STRBP: variants seen among roughly 807,000 people sequenced by gnomAD.
STRBP encodes the protein spermatid perinuclear RNA binding protein.
In STRBP, 13 loss-of-function variants were observed where a neutral mutation model predicts 80.1. That is an observed-to-expected ratio of 0.16 (90% CI 0.11 to 0.26). STRBP has a LOEUF of 0.26. Among genes scored for constraint, STRBP ranks in the 10% least tolerant of loss-of-function variants. The pLI, the probability that STRBP is intolerant of heterozygous loss-of-function variation, is 1.00. For synonymous variants in STRBP, 284 were observed against 291.2 expected, an observed-to-expected ratio of 0.98 and a Z score of 0.25; for missense variants, 485 against 815.2, an observed-to-expected ratio of 0.59 and a Z score of 4.93.
At chr9:123,258,620 A>C (rs374422091) in intron 1 of STRBP, among the ~76,000 whole-genome samples, 11 of 152,068 alleles carry the variant, frequency 7.2e-5, no homozygotes, top group South Asian at 4.2e-4. Context: ...TGGCTAACAC[A>C]GTGAAACCCT....
At chr9:123,186,794 C>T (rs2038714336) in intron 2 of STRBP, among the ~76,000 whole-genome samples, 1 of 137,410 alleles carries the variant, frequency 7.3e-6, no homozygotes, top group South Asian at 2.4e-4. Flanking sequence ...AATGGAGAAA[C>T]TACAATAGCT....
At chr9:123,132,674 CAGG>C (rs1323491679) in intron 17 of STRBP, among the ~76,000 whole-genome samples, 168 bp downstream of exon 17, 2 of 152,178 alleles carry the variant, frequency 1.3e-5, no homozygotes, top group Non-Finnish European at 2.9e-5. Flanking sequence ...CAGCAGATTC[CAGG>C]AGAACACCTA....
chr9:123,170,154 T>G (rs1167138755), intron 5 of STRBP, 108 bp from the exon 6 acceptor site: 2 of 1,113,824 alleles, frequency 1.8e-6, no homozygotes, highest in Non-Finnish European at 2.5e-6. Context: ...TTAATATTAC[T>G]GTGCTCAAAG....
intron 1 of STRBP, among the ~76,000 whole-genome samples, chr9:123,262,350 AT>A (rs1320073947): frequency 1.3e-5 from 2 of 152,372 alleles, no homozygotes; most frequent in Admixed American, 6.5e-5. Context: ...ACAGCACTAT[AT>A]TGGTTAAATT....
At chr9:123,130,998 A>G (rs1276829132) in intron 17 of STRBP, among the ~76,000 whole-genome samples, 1 of 152,126 alleles carries the variant, frequency 6.6e-6, no homozygotes, top group Non-Finnish European at 1.5e-5. Context: ...AGATGTACAT[A>G]GTTCCGGGGT....
chr9:123,132,803 G>C, intron 17 of STRBP, 42 bp downstream of exon 17: 1 of 1,604,512 alleles, frequency 6.2e-7, no homozygotes, highest in Non-Finnish European at 8.5e-7. Context: ...TTTGAATTTC[G>C]GCCCAGTAAA....
intron 1 of STRBP, among the ~76,000 whole-genome samples, chr9:123,252,220 C>T (rs1488315824): frequency 6.6e-6 from 1 of 152,142 alleles, no homozygotes; most frequent in African/African-American, 2.4e-5. Flanking sequence ...TGTATTTGCA[C>T]CGTGATGTTG....
At chr9:123,172,281 T>C (rs1250430967) in intron 5 of STRBP, among the ~76,000 whole-genome samples, 2 of 152,222 alleles carry the variant, frequency 1.3e-5, no homozygotes, top group East Asian at 1.9e-4. Context: ...AGAGTAACGA[T>C]GTTTACTATA....
chr9:123,222,171 T>G (rs189973984), intron 2 of STRBP, among the ~76,000 whole-genome samples: 1 of 150,696 alleles, frequency 6.6e-6, no homozygotes, highest in African/African-American at 2.5e-5. Context: ...ATCATGGCAG[T>G]GTTTTCTTTT....
intron 5 of STRBP, 105 bp downstream of exon 5, chr9:123,173,572 C>T (rs2038098488): frequency 8.1e-6 from 10 of 1,239,182 alleles, no homozygotes; most frequent in Non-Finnish European, 1.1e-5. Flanking sequence ...TTGTCTGTGT[C>T]TATCCTATTA....
chr9:123,115,428 T>G lies in STRBP; in HGVS notation c.*84+501A>C, dbSNP rs1279284009. The stretch of plus-strand genomic sequence containing the variant: ...AGGGAGGGGGAGACCCACTGAAGCC[T>G]TTCTCCCTGCACAGAGGAGGACTCT... On this transcript the variant is annotated intron_variant and NMD_transcript_variant, in intron 3 of 3. Coordinates refer to the STRBP transcript ENST00000471564. This position sits in a 1 kb window ranked among gnomAD's most constrained non-coding sequence, Gnocchi z 5.0. 2.1e-6 allele frequency: 1 copy of G among 470,366 alleles called. No individual in the cohort carries two copies. The highest frequency in any genetic ancestry group is 4.4e-6 in the Non-Finnish European group (1 of 226,596). The allele number at this position is 470,366 out of a possible 1,614,324, so 29.1% of individuals were successfully genotyped here. A position where few individuals can be genotyped will look rare whatever the true frequency, so the allele number is the denominator to read the frequency against.
intron 11 of STRBP, among the ~76,000 whole-genome samples, chr9:123,153,814 T>G (rs1302944805): frequency 1.3e-5 from 2 of 152,068 alleles, no homozygotes; most frequent in Non-Finnish European, 2.9e-5. Flanking sequence ...AAAAGGTATT[T>G]GAAGACAAGA....
rs368139176 is a variant in STRBP, at chr9:123,139,547, T to C, written c.1479A>G (p.Glu493=). Residue 493 remains glutamate, a synonymous_variant, in exon 14 of 19, where the codon GAA becomes GAG. Coordinates refer to ENST00000348403, the MANE Select transcript of STRBP (RefSeq NM_018387.5). ...AGTATACCTCTAAGGTACTGGAGGT[T>C]TCAGTTGTAGAATTTCCAGTATTAT... ...SSNNTGNSTT[E]TSSTLEVRTQ... 28 of 1,611,020 alleles carry C rather than the reference T, an allele frequency of 1.7e-5. No homozygotes were observed. Among genetic ancestry groups the C allele is most frequent in the Middle Eastern group, 1.6e-4 (1 of 6,068 alleles).
At chr9:123,179,681 T>G (rs2038372123) in intron 3 of STRBP, among the ~76,000 whole-genome samples, 1 of 150,130 alleles carries the variant, frequency 6.7e-6, no homozygotes, top group Non-Finnish European at 1.5e-5. Context: ...GAGGCAGAGG[T>G]TGCAGTGAGC....
At chr9:123,256,590 T>C (rs1417498361) in intron 1 of STRBP, among the ~76,000 whole-genome samples, 13 of 152,166 alleles carry the variant, frequency 8.5e-5, no homozygotes, top group Admixed American at 7.9e-4. Flanking sequence ...TATATATATA[T>C]GTAAGAAAAG....
At chr9:123,141,796 A>C (rs1170795885) in intron 13 of STRBP, among the ~76,000 whole-genome samples, 1 of 152,236 alleles carries the variant, frequency 6.6e-6, no homozygotes, top group Admixed American at 6.5e-5. Context: ...AGTGTCCAAC[A>C]CAGTGTAACC....
At chr9:123,212,662 T>G (rs2039751639) in intron 2 of STRBP, 1 of 152,164 alleles carries the variant, frequency 6.6e-6, no homozygotes, top group Non-Finnish European at 1.5e-5. Context: ...TATCCACAGA[T>G]AAGCAGGATA....
chr9:123,228,771 T>G (rs2040316224), intron 2 of STRBP, among the ~76,000 whole-genome samples: 1 of 152,146 alleles, frequency 6.6e-6, no homozygotes, highest in Admixed American at 6.5e-5. Flanking sequence ...TGAAAAACAA[T>G]TTGGCAGTTC....
At chr9:123,129,375 A>G (rs2036035881) in intron 17 of STRBP, among the ~76,000 whole-genome samples, 2 of 152,144 alleles carry the variant, frequency 1.3e-5, no homozygotes, top group Admixed American at 1.3e-4. Flanking sequence ...TAATAATAAC[A>G]ACAACTTATT....
Sources: allele counts gnomAD v4.1 joint callset (sites outside exome capture counted in the v4.1 genomes callset), GRCh38; gene constraint gnomAD v4.1.1; non-coding constraint Gnocchi (gnomAD v3.1); transcripts MANE v1.5; gene names NCBI Gene and HGNC (gene_info 2026-07-23, HGNC 2026-07-21).